EYS: variants seen among roughly 807,000 people sequenced by gnomAD.
The protein encoded by EYS is EGF-like photoreceptor maintenance factor, also known as protein eyes shut homolog.
EYS carries 250 observed loss-of-function variants against 282.1 expected under a neutral mutation model. The observed-to-expected ratio is 0.89, with a 90% CI of 0.80 to 0.98. The LOEUF (loss-of-function observed/expected upper bound fraction) is 0.98, where lower values mean the gene tolerates loss of function less well. Among genes scored for constraint, EYS ranks in the 50% least tolerant of loss-of-function variants. The pLI is 0.00. For synonymous variants in EYS, 1,355 were observed against 1,282.9 expected (o/e 1.06, Z -1.20); for missense variants, 4,016 against 3,709.0 (o/e 1.08, Z -2.15).
rs77068190 is a variant in EYS at position 64,275,966 on chromosome 6, A to C, written c.6191+31004T>G. On this transcript the variant is annotated intron_variant, in intron 30 of 42. Coordinates refer to ENST00000503581, the MANE Select transcript of EYS (RefSeq NM_001142800.2). ...GATGACAGAGCGAGACTCCATCTCAAAAAAAAAAAAAGCTTATTGCCTTAA... is the reference window on the plus strand; with the variant it reads ...GATGACAGAGCGAGACTCCATCTCACAAAAAAAAAAAGCTTATTGCCTTAA... Among the ~76,000 whole-genome samples the C allele has an allele frequency of 2.5e-4, 37 of 145,852 alleles. No individual in the cohort carries two copies. In the East Asian group the frequency reaches 7.4e-3, roughly 29 times the overall value.
intron 35 of EYS, among the ~76,000 whole-genome samples, chr6:63,901,326 A>T (rs189518342): frequency 2.4e-3 from 365 of 152,342 alleles, no homozygotes; most frequent in Non-Finnish European, 2.9e-3. Flanking sequence ...AGATTATCTA[A>T]ACTGAAGAAT....
At chr6:64,964,200 A>C (rs969924141) in intron 14 of EYS, among the ~76,000 whole-genome samples, 55 of 152,056 alleles carry the variant, frequency 3.6e-4, no homozygotes, top group Admixed American at 3.9e-4. Context: ...TGAGATTTTA[A>C]TATAGGGCTC....
chr6:64,771,536 T>C (rs1347600575), intron 22 of EYS, among the ~76,000 whole-genome samples: 1 of 151,808 alleles, frequency 6.6e-6, no homozygotes, highest in Non-Finnish European at 1.5e-5. Flanking sequence ...CATTTCACAT[T>C]ACACATTTTT....
intron 29 of EYS, among the ~76,000 whole-genome samples, chr6:64,355,043 G>A (rs554945549): frequency 6.6e-6 from 1 of 151,398 alleles, no homozygotes; most frequent in East Asian, 2.0e-4. Flanking sequence ...AAACAACTCA[G>A]GACCAAAACA....
At chr6:63,740,729 T>C (rs761388418) in intron 41 of EYS, among the ~76,000 whole-genome samples, 41 of 152,256 alleles carry the variant, frequency 2.7e-4, no homozygotes, top group Admixed American at 9.8e-4. Flanking sequence ...CTTTTATTGT[T>C]ATGTGCATTA....
chr6:64,546,004 A>G (rs1764849823), intron 26 of EYS, among the ~76,000 whole-genome samples: 1 of 152,216 alleles, frequency 6.6e-6, no homozygotes, highest in African/African-American at 2.4e-5. Context: ...CTTTCTTCAC[A>G]GAATTGGAAA....
At chr6:64,389,348 G>A (rs617121) in intron 28 of EYS, among the ~76,000 whole-genome samples, 109,898 of 152,060 alleles carry the variant, frequency 0.72, 39,829 homozygotes, top group African/African-American at 0.79. Flanking sequence ...CTTAATTAGG[G>A]AGATCAGAGT....
intron 26 of EYS, among the ~76,000 whole-genome samples, chr6:64,557,739 G>A (rs77060202): frequency 0.018 from 2,795 of 151,982 alleles, 41 homozygotes; most frequent in Non-Finnish European, 0.028. Flanking sequence ...ATTTATTATA[G>A]GGGTCAGCAA....
intron 22 of EYS, among the ~76,000 whole-genome samples, chr6:64,689,446 T>A (rs1462274157): frequency 1.8e-5 from 2 of 112,706 alleles, no homozygotes; most frequent in Non-Finnish European, 3.6e-5. Flanking sequence ...ACCAATGACT[T>A]TCTTCACAGA....
chr6:64,838,631 C>T (rs1044591534), intron 19 of EYS, among the ~76,000 whole-genome samples: 1 of 151,638 alleles, frequency 6.6e-6, no homozygotes, highest in Non-Finnish European at 1.5e-5. Flanking sequence ...CACACACACA[C>T]ACACACACAC....
chr6:64,773,064 G>A (rs1773571961), intron 22 of EYS, among the ~76,000 whole-genome samples: 1 of 151,754 alleles, frequency 6.6e-6, no homozygotes, highest in Non-Finnish European at 1.5e-5. Context: ...TTGGTGTACA[G>A]ATTATTTCTT....
At chr6:64,303,571 G>C (rs559284630) in intron 30 of EYS, among the ~76,000 whole-genome samples, 32 of 152,166 alleles carry the variant, frequency 2.1e-4, no homozygotes, top group African/African-American at 7.0e-4. Context: ...AGCCGGGCGC[G>C]GTGGCTCACG....
chr6:64,591,598 T>A lies in EYS; in HGVS notation c.4269A>T (p.Pro1423=). 6.4e-7 allele frequency: 1 copy of A among 1,551,188 alleles called. No homozygotes were observed. The highest frequency in any genetic ancestry group is 8.7e-7 in the Non-Finnish European group (1 of 1,146,708). Residue 1423 remains proline (P), a synonymous_variant, in exon 26 of 43, where the codon CCA becomes CCT. Transcript: ENST00000503581. The part of the protein sequence containing the change: ...NCQTVALSAT[P]TTSVIRSIPG... Reference sequence around the variant, plus strand: ...GAATGCTTCTAATTACTGAAGTCGTTGGGGTAGCAGATAAAGCAACAGTCT... The same window carrying A: ...GAATGCTTCTAATTACTGAAGTCGTAGGGGTAGCAGATAAAGCAACAGTCT...
intron 16 of EYS, among the ~76,000 whole-genome samples, chr6:64,904,098 A>C (rs544428499): frequency 6.6e-6 from 1 of 152,314 alleles, no homozygotes; most frequent in Admixed American, 6.5e-5. Context: ...AGATATCTAA[A>C]AGAAATTTAT....
intron 8 of EYS, among the ~76,000 whole-genome samples, chr6:65,381,359 C>T (rs550713618): frequency 6.6e-6 from 1 of 152,102 alleles, no homozygotes; most frequent in African/African-American, 2.4e-5. Flanking sequence ...AGCAAAGCAA[C>T]ATAGGAACAG....
chr6:65,126,800 G>T (rs1178596983), intron 12 of EYS, among the ~76,000 whole-genome samples: 1 of 152,162 alleles, frequency 6.6e-6, no homozygotes, highest in Non-Finnish European at 1.5e-5. Context: ...ATGAAAAAGT[G>T]CTGGCGTTCC....
At chr6:64,065,133 A>T (rs1341975001) in intron 33 of EYS, among the ~76,000 whole-genome samples, 1 of 152,190 alleles carries the variant, frequency 6.6e-6, no homozygotes, top group Non-Finnish European at 1.5e-5. Context: ...TGTTAAGTGC[A>T]TTAAAAATGA....
chr6:64,122,163 A>C (rs931818969), intron 31 of EYS, among the ~76,000 whole-genome samples: 1 of 152,116 alleles, frequency 6.6e-6, no homozygotes, highest in African/African-American at 2.4e-5. Flanking sequence ...TAATTTACCT[A>C]CAGATTTAGG....
intron 41 of EYS, among the ~76,000 whole-genome samples, chr6:63,736,668 T>A (rs1768921592): frequency 6.6e-6 from 1 of 152,202 alleles, no homozygotes; most frequent in South Asian, 2.1e-4. Flanking sequence ...ATCTATAAAT[T>A]ACCTTGGGCA....
Sources: gnomAD v4.1 joint callset for allele counts (sites outside exome capture counted in the v4.1 genomes callset) on GRCh38, gnomAD v4.1.1 for gene constraint, MANE v1.5 for transcripts, NCBI Gene and HGNC (gene_info 2026-07-23, HGNC 2026-07-21) for gene names.